Variants in ACTL6A observed in about 807,000 individuals in gnomAD.
ACTL6A encodes the protein actin like 6A.
Under a neutral mutation model 59.2 loss-of-function variants are expected in ACTL6A, and 5 were observed. That is an observed-to-expected ratio of 0.08 (90% CI 0.04 to 0.18). The LOEUF is 0.18. Ranked by LOEUF, ACTL6A falls within the 10% of genes least tolerant of loss-of-function variation. ACTL6A has a pLI of 1.00. For missense variants in ACTL6A, 285 were observed against 526.9 expected (o/e 0.54, Z 4.49); for synonymous variants, 154 against 171.8 (o/e 0.90, Z 0.81).
At chr3:179,565,039 T>A (rs1717789314) in intron 1 of ACTL6A, among the ~76,000 whole-genome samples, 1 of 152,134 alleles carries the variant, frequency 6.6e-6, no homozygotes, top group Admixed American at 6.5e-5. Context: ...AGAGTTTAAT[T>A]GCCATATTAT....
intron 11 of ACTL6A, 68 bp downstream of exon 11, chr3:179,581,288 G>T: frequency 3.1e-6 from 4 of 1,292,238 alleles, no homozygotes; most frequent in Non-Finnish European, 4.5e-6. Flanking sequence ...CCAAATCATT[G>T]TTAGGTTGAC....
At chr3:179,576,371 A>G in intron 6 of ACTL6A, 60 bp downstream of exon 6, 1 of 1,238,738 alleles carries the variant, frequency 8.1e-7, no homozygotes, top group Non-Finnish European at 1.1e-6. Flanking sequence ...GATGCACATA[A>G]TGAAATAAAA....
chr3:179,579,721 G>T (rs1027420082), intron 8 of ACTL6A, among the ~76,000 whole-genome samples: 1 of 152,214 alleles, frequency 6.6e-6, no homozygotes, highest in African/African-American at 2.4e-5. Context: ...ATGGGAGATG[G>T]AGGTTGCATT....
chr3:179,562,982 C>A lies in ACTL6A; in HGVS notation c.-111C>A. On this transcript the variant is annotated 5_prime_UTR_variant, in exon 1 of 14. Coordinates refer to ENST00000429709, the MANE Select transcript of ACTL6A (RefSeq NM_004301.5). ...CCGCTTTGTTGCCTGAGGTGGGTGG[C>A]GGTGGAAGTTAAGGGAGTCAGGGGC... 1 of 1,408,896 alleles carries A rather than the reference C, an allele frequency of 7.1e-7. No homozygotes were observed. Among genetic ancestry groups the A allele is most frequent in the Admixed American group, 1.9e-5 (1 of 52,186 alleles). The allele number at this position is 1,408,896 out of a possible 1,614,324, so 87.3% of individuals were successfully genotyped here. A position where few individuals can be genotyped will look rare whatever the true frequency, so the allele number is the denominator to read the frequency against.
At chr3:179,563,192 C>A in intron 1 of ACTL6A, 75 bp downstream of exon 1, 1 of 1,538,570 alleles carries the variant, frequency 6.5e-7, no homozygotes, top group East Asian at 2.4e-5. Flanking sequence ...CCCAGCCCTC[C>A]CCTCCCCGGC....
At position 179,570,327 on chromosome 3, in the gene ACTL6A, T is replaced by G; in HGVS notation, c.277+86T>G. 8.1e-7 allele frequency: 1 copy of G among 1,236,954 alleles called. No individual in the cohort carries two copies. Among genetic ancestry groups the G allele is most frequent in the Middle Eastern group, 2.3e-4 (1 of 4,278 alleles). The allele number at this position is 1,236,954 out of a possible 1,614,324, so 76.6% of individuals were successfully genotyped here. A position where few individuals can be genotyped will look rare whatever the true frequency, so the allele number is the denominator to read the frequency against. On this transcript the variant is annotated intron_variant, in intron 3 of 13. Transcript: ENST00000429709. This position sits in a 1 kb window ranked among gnomAD's most constrained non-coding sequence, Gnocchi z 4.3. The stretch of plus-strand genomic sequence containing the variant: ...GTAGTAGCTTCCTATAAGTTGAACA[T>G]CAACCATGGTTTTTTGTTTTGTTTT...
chr3:179,568,477 C>T (rs1215661098), intron 1 of ACTL6A, among the ~76,000 whole-genome samples: 3 of 151,166 alleles, frequency 2.0e-5, no homozygotes, highest in African/African-American at 7.3e-5. Context: ...GTTCATGTAA[C>T]CACTGAACTG....
At chr3:179,587,571 G>A (rs1457984993) in intron 13 of ACTL6A, among the ~76,000 whole-genome samples, 1 of 151,930 alleles carries the variant, frequency 6.6e-6, no homozygotes, top group Admixed American at 6.6e-5. Context: ...TAGGAGTTAC[G>A]AAAATAAGAT....
chr3:179,576,462 T>C, intron 6 of ACTL6A, 151 bp downstream of exon 6: 6 of 784,640 alleles, frequency 7.6e-6, no homozygotes, highest in Non-Finnish European at 1.2e-5. Context: ...GTATATAATG[T>C]ATATTTAAAA....
At chr3:179,573,597 T>A in intron 4 of ACTL6A, 128 bp downstream of exon 4, 6 of 640,554 alleles carry the variant, frequency 9.4e-6, no homozygotes, top group Non-Finnish European at 1.3e-5. Flanking sequence ...ATATTTTGAA[T>A]TTGAAAATTA....
chr3:179,576,438 G>A, intron 6 of ACTL6A, 127 bp downstream of exon 6: 2 of 838,280 alleles, frequency 2.4e-6, no homozygotes, highest in Non-Finnish European at 3.6e-6. Context: ...TTTTAAGTAT[G>A]TTAAAAATCT....
chr3:179,581,176 G>A lies in ACTL6A; in HGVS notation c.982G>A (p.Val328Ile), dbSNP rs1034619734. 1.2e-6 allele frequency: 2 copies of A among 1,614,040 alleles called. No homozygotes were observed. The highest frequency in any genetic ancestry group is 2.2e-5 in the South Asian group (2 of 91,090). ...AAACACAATGTTAGGAGTCAGTCATGTTGTCACCACAAGTGTTGGGATGTG... is the reference window on the plus strand; with the variant it reads ...AAACACAATGTTAGGAGTCAGTCATATTGTCACCACAAGTGTTGGGATGTG... ...SGNTMLGVSH[V>I]VTTSVGMCDI... Residue 328 changes from valine to isoleucine, a missense_variant, in exon 11 of 14, where the codon GTT (valine) becomes ATT (isoleucine). By Grantham distance (29) the Val-to-Ile change is conservative (BLOSUM62 3). Coordinates refer to ENST00000429709, the MANE Select transcript of ACTL6A (RefSeq NM_004301.5).
intron 11 of ACTL6A, 24 bp from the exon 12 acceptor site, chr3:179,583,329 A>AT: frequency 6.4e-7 from 1 of 1,566,344 alleles, no homozygotes; most frequent in South Asian, 1.1e-5. Flanking sequence ...GAACTAATTG[A>AT]TTTTTCTTGT....
intron 1 of ACTL6A, among the ~76,000 whole-genome samples, chr3:179,566,678 T>TTTG (rs376454101): frequency 5.6e-4 from 85 of 152,004 alleles, no homozygotes; most frequent in Admixed American, 1.7e-3. Flanking sequence ...ATTTTCTCTT[T>TTTG]TTGTTGTTGT....
chr3:179,575,422 C>T (rs962891814), intron 5 of ACTL6A: 14 of 456,616 alleles, frequency 3.1e-5, no homozygotes, highest in Non-Finnish European at 6.2e-5. Context: ...TCATCTACTT[C>T]ACTAAACAGG....
chr3:179,587,191 GTTAC>G (rs1185796105), intron 13 of ACTL6A, among the ~76,000 whole-genome samples: 30 of 151,796 alleles, frequency 2.0e-4, no homozygotes, highest in Non-Finnish European at 4.0e-4. Flanking sequence ...TGTATATATA[GTTAC>G]TTATGTATAT....
At chr3:179,576,403 C>T (rs1306693180) in intron 6 of ACTL6A, 92 bp downstream of exon 6, 1 of 1,025,242 alleles carries the variant, frequency 9.8e-7, no homozygotes, top group African/African-American at 1.6e-5. Context: ...ACTATTAAAG[C>T]ATATCAGTTT....
Position 179,574,449 on chromosome 3 carries a change from A to G in ACTL6A, c.458A>G (p.Lys153Arg), listed in dbSNP as rs1338624242. 6.2e-7 allele frequency: 1 copy of G among 1,610,112 alleles called. No individual in the cohort carries two copies. The highest frequency in any genetic ancestry group is 1.3e-5 in the African/African-American group (1 of 74,858). The change falls in exon 5 of 14, where the codon AAA becomes AGA. Residue 153 changes from lysine (K) to arginine (R), a missense_variant. By Grantham distance (26) the Lys-to-Arg change is conservative. Coordinates refer to ENST00000429709, the MANE Select transcript of ACTL6A (RefSeq NM_004301.5). Reference protein sequence around the residue: ...HYNIPAFFLCKTAVLTAFANG... With the variant: ...HYNIPAFFLCRTAVLTAFANG... ...AACATCCCTGCCTTCTTCCTTTGCAAAACTGCAGTTTTGACAGCGTATCCT... is the reference window on the plus strand; with the variant it reads ...AACATCCCTGCCTTCTTCCTTTGCAGAACTGCAGTTTTGACAGCGTATCCT...
At position 179,587,848 on chromosome 3, in the gene ACTL6A, T is replaced by C. The variant is rs1010447356; in HGVS notation, c.1210-82T>C. 3 of 1,076,804 alleles carry C rather than the reference T, an allele frequency of 2.8e-6. No individual in the cohort carries two copies. The African/African-American group carries it at 5.0e-5, about 18-fold the overall frequency. 66.7% of individuals were successfully genotyped at this position (1,076,804 alleles called of 1,614,324 possible). A position where few individuals can be genotyped will look rare whatever the true frequency, so the allele number is the denominator to read the frequency against. ...CCAGCCTGGCTGACAGAGCAAGACC[T>C]TCTCTCAAAAAAAAAAAATTTTTTA... On this transcript the variant is annotated intron_variant, in intron 13 of 13. Coordinates refer to ENST00000429709, the MANE Select transcript of ACTL6A (RefSeq NM_004301.5).
Sources: allele counts gnomAD v4.1 joint callset (sites outside exome capture counted in the v4.1 genomes callset), GRCh38; gene constraint gnomAD v4.1.1; non-coding constraint Gnocchi (gnomAD v3.1); transcripts MANE v1.5; gene names NCBI Gene and HGNC (gene_info 2026-07-23, HGNC 2026-07-21).